The following USH2A variants were observed in gnomAD, a reference collection of about 807,000 sequenced individuals.
USH2A encodes the protein usherin, also known as Usher syndrome 2A (autosomal recessive, mild).
Under a neutral mutation model 538.9 loss-of-function variants are expected in USH2A, and 443 were observed. The observed-to-expected ratio is 0.82, with a 90% CI of 0.76 to 0.89. The LOEUF (loss-of-function observed/expected upper bound fraction) is 0.89. Among genes scored for constraint, USH2A ranks in the 40% least tolerant of loss-of-function variants. USH2A has a pLI of 0.00. For synonymous variants in USH2A, 2,413 were observed against 2,273.5 expected, an observed-to-expected ratio of 1.06 and a Z score of -1.75; for missense variants, 6,633 against 6,324.8, an observed-to-expected ratio of 1.05 and a Z score of -1.65.
chr1:215,795,035 C>G (rs1662086979), intron 50 of USH2A, among the ~76,000 whole-genome samples: 1 of 152,154 alleles, frequency 6.6e-6, no homozygotes, highest in African/African-American at 2.4e-5. Context: ...TCTGACTTCT[C>G]TTTCCTTCTC....
chr1:215,664,162 T>C (rs904542219), intron 64 of USH2A, among the ~76,000 whole-genome samples: 3 of 152,228 alleles, frequency 2.0e-5, no homozygotes, highest in East Asian at 3.9e-4. Context: ...CTGTTACTTG[T>C]AGTGAAATAG....
chr1:216,299,505 C>T (rs867158271), intron 9 of USH2A, among the ~76,000 whole-genome samples: 1 of 151,884 alleles, frequency 6.6e-6, no homozygotes, highest in African/African-American at 2.4e-5. Context: ...AGATTATTGG[C>T]TGGGGTTACC....
intron 22 of USH2A, among the ~76,000 whole-genome samples, chr1:216,096,517 T>C (rs888461333): frequency 2.0e-5 from 3 of 152,192 alleles, no homozygotes; most frequent in African/African-American, 7.2e-5. Flanking sequence ...CAGAAAACAA[T>C]TTATTTCTTT....
chr1:216,247,241 T>C lies in USH2A; in HGVS notation c.2168-15A>G, dbSNP rs773686399. ...ACACCTAAGCCCTAAAGATAAAATATATTTAAAAGGTGAGGATGGGAAAAT... is the reference window on the plus strand; with the variant it reads ...ACACCTAAGCCCTAAAGATAAAATACATTTAAAAGGTGAGGATGGGAAAAT... On this transcript the variant is annotated splice_polypyrimidine_tract_variant and intron_variant, in intron 12 of 71. Coordinates refer to ENST00000307340, the MANE Select transcript of USH2A (RefSeq NM_206933.4). 6.2e-7 allele frequency: 1 copy of C among 1,613,366 alleles called. No homozygotes were observed. The highest frequency in any genetic ancestry group is 8.5e-7 in the Non-Finnish European group (1 of 1,179,670).
At chr1:215,857,940 T>C (rs955789467) in intron 44 of USH2A, among the ~76,000 whole-genome samples, 1 of 152,166 alleles carries the variant, frequency 6.6e-6, no homozygotes, top group East Asian at 1.9e-4. Flanking sequence ...TTTTCAAGGT[T>C]GCTCTGGTGT....
chr1:216,169,764 A>G (rs2034243117), intron 21 of USH2A, among the ~76,000 whole-genome samples: 1 of 152,018 alleles, frequency 6.6e-6, no homozygotes, highest in Non-Finnish European at 1.5e-5. Context: ...GCCACATACC[A>G]TGTTCTTACT....
intron 21 of USH2A, among the ~76,000 whole-genome samples, chr1:216,148,522 C>G (rs1447500820): frequency 6.6e-6 from 1 of 152,088 alleles, no homozygotes; most frequent in Non-Finnish European, 1.5e-5. Context: ...ACCCTTACCC[C>G]ACTCAATGCC....
At chr1:216,125,047 AATCT>A (rs2033220338) in intron 21 of USH2A, among the ~76,000 whole-genome samples, 1 of 152,176 alleles carries the variant, frequency 6.6e-6, no homozygotes, top group Non-Finnish European at 1.5e-5. Context: ...AATGTGCTTT[AATCT>A]ATCAGTGATT....
chr1:216,249,644 A>T (rs886189693), intron 12 of USH2A, among the ~76,000 whole-genome samples: 1 of 152,092 alleles, frequency 6.6e-6, no homozygotes, highest in African/African-American at 2.4e-5. Context: ...TATGGTACAG[A>T]TTTTCATGTA....
intron 44 of USH2A, among the ~76,000 whole-genome samples, chr1:215,863,319 T>C (rs974362164): frequency 6.6e-6 from 1 of 152,150 alleles, no homozygotes; most frequent in Non-Finnish European, 1.5e-5. Flanking sequence ...TCTCTTCTAT[T>C]TGATAACTAA....
intron 14 of USH2A, among the ~76,000 whole-genome samples, chr1:216,227,074 AGT>A (rs2035577122): frequency 6.6e-6 from 1 of 152,132 alleles, no homozygotes; most frequent in Non-Finnish European, 1.5e-5. Context: ...TTTTCCCACC[AGT>A]GAAACCTGTT....
chr1:215,646,796 G>A (rs1656867453), intron 67 of USH2A, among the ~76,000 whole-genome samples: 1 of 152,152 alleles, frequency 6.6e-6, no homozygotes, highest in African/African-American at 2.4e-5. Context: ...CAAAGTGCTG[G>A]GATTACAGGC....
At chr1:216,061,536 T>C (rs1469970065) in intron 30 of USH2A, among the ~76,000 whole-genome samples, 2 of 152,166 alleles carry the variant, frequency 1.3e-5, no homozygotes, top group Non-Finnish European at 2.9e-5. Context: ...TAAATAGAGT[T>C]TCCCTGTGCT....
rs764567476 is a variant in USH2A at position 216,247,021 on chromosome 1, A to C, written c.2373T>G (p.Asn791Lys). 3 of 1,614,066 alleles carry C rather than the reference A, an allele frequency of 1.9e-6. No homozygotes were observed. In the East Asian group the frequency reaches 6.7e-5, roughly 36 times the overall value. ...CTGTGTCACAGTCACAGGCCTTACA[A>C]TTGGTGACATCTAACCCATAAAAGT... ...RENFYGLDVTNCKACDCDTAG... is the reference protein window; with the variant it reads ...RENFYGLDVTKCKACDCDTAG... The change falls in exon 13 of 72, where the codon AAT (asparagine) becomes AAG (lysine). Residue 791 changes from asparagine (N) to lysine (K), a missense_variant. Transcript: ENST00000307340.
intron 37 of USH2A, among the ~76,000 whole-genome samples, chr1:215,944,798 A>G (rs368013322): frequency 6.6e-6 from 1 of 152,168 alleles, no homozygotes; most frequent in African/African-American, 2.4e-5. Flanking sequence ...ATTCAAAGTT[A>G]TATGTCTTCC....
chr1:216,050,562 T>TCTTTCTCTCTC (rs1558231629), intron 30 of USH2A, among the ~76,000 whole-genome samples: 428 of 30,824 alleles, frequency 0.014, 4 homozygotes, highest in African/African-American at 0.045. Context: ...TTGTATCTTT[T>TCTTTCTCTCTC]TCTTTCTTTC....
intron 21 of USH2A, among the ~76,000 whole-genome samples, chr1:216,167,339 G>A (rs2034190654): frequency 6.6e-6 from 1 of 152,080 alleles, no homozygotes; most frequent in African/African-American, 2.4e-5. Flanking sequence ...GGGAAAGGCA[G>A]TCTCCCTATA....
At chr1:216,378,053 T>C (rs1345691138) in intron 3 of USH2A, among the ~76,000 whole-genome samples, 1 of 151,826 alleles carries the variant, frequency 6.6e-6, no homozygotes, top group Non-Finnish European at 1.5e-5. Context: ...AAGGTGGACA[T>C]GCCTCAGAAG....
At chr1:215,958,644 C>T (rs751960527) in intron 37 of USH2A, among the ~76,000 whole-genome samples, 6 of 151,964 alleles carry the variant, frequency 3.9e-5, no homozygotes, top group Admixed American at 6.6e-5. Context: ...ATATCCTAAT[C>T]GGTCTTTAAG....
Sources: gnomAD v4.1 joint callset for allele counts (sites outside exome capture counted in the v4.1 genomes callset) on GRCh38, gnomAD v4.1.1 for gene constraint, MANE v1.5 for transcripts, NCBI Gene and HGNC (gene_info 2026-07-23, HGNC 2026-07-21) for gene names.